Variants in SPINT2 observed in about 807,000 individuals in gnomAD.
The protein encoded by SPINT2 is kunitz-type protease inhibitor 2.
SPINT2 carries 18 observed loss-of-function variants against 30.1 expected under a neutral mutation model. That is an observed-to-expected ratio of 0.60 (90% CI 0.41 to 0.89). SPINT2 has a LOEUF of 0.89. Ranked by LOEUF, SPINT2 falls within the 40% of genes least tolerant of loss-of-function variation. The probability of loss-of-function intolerance (pLI) is 0.00; values close to 1 mark genes in which losing one functional copy is unlikely to be tolerated. For missense variants in SPINT2, 276 were observed against 334.3 expected, an observed-to-expected ratio of 0.83 and a Z score of 1.36; for synonymous variants, 139 against 137.9, an observed-to-expected ratio of 1.01 and a Z score of -0.05.
rs3826897 is a variant in SPINT2, at chr19:38,283,220, C to T, written c.107-407C>T. ...GTTCCAGTTGCTTAGGAGGGTGAGG[C>T]AAAAGAATCGTTTGAACCTGGGAGG... is the stretch of plus-strand genomic sequence containing the variant. On this transcript the variant is annotated intron_variant, in intron 1 of 6. Transcript: ENST00000301244. Among the ~76,000 whole-genome samples, 370 of 152,134 alleles carry T rather than the reference C, an allele frequency of 2.4e-3. 8 individuals carry two copies. In the East Asian group the frequency reaches 0.047, roughly 19 times the overall value.
chr19:38,270,418 A>G (rs1377915646), intron 1 of SPINT2, among the ~76,000 whole-genome samples: 2 of 152,164 alleles, frequency 1.3e-5, no homozygotes, highest in African/African-American at 4.8e-5. Context: ...GCACTGACTC[A>G]CTCAAATTAG....
At chr19:38,274,280 T>A (rs1968491132) in intron 1 of SPINT2, among the ~76,000 whole-genome samples, 1 of 152,146 alleles carries the variant, frequency 6.6e-6, no homozygotes, top group Admixed American at 6.6e-5. Flanking sequence ...TATAATGGAT[T>A]AAAAACTCCT....
intron 1 of SPINT2, among the ~76,000 whole-genome samples, chr19:38,274,378 C>G (rs1203150940): frequency 6.6e-6 from 1 of 151,930 alleles, no homozygotes; most frequent in African/African-American, 2.4e-5. Flanking sequence ...TCAGAGCTTT[C>G]TTTGCTTTTT....
At chr19:38,268,756 TGCGC>T (rs67698523) in intron 1 of SPINT2, among the ~76,000 whole-genome samples, 5 of 148,834 alleles carry the variant, frequency 3.4e-5, no homozygotes, top group African/African-American at 9.8e-5. Flanking sequence ...AGAGAGAGCA[TGCGC>T]GCGCGCGTGT....
intron 1 of SPINT2, among the ~76,000 whole-genome samples, chr19:38,268,838 G>A (rs1026395718): frequency 6.6e-6 from 1 of 151,854 alleles, no homozygotes; most frequent in Non-Finnish European, 1.5e-5. Context: ...CTGCAGATAT[G>A]CAGGATTTTT....
intron 1 of SPINT2, among the ~76,000 whole-genome samples, chr19:38,269,607 CTT>C (rs1189751582): frequency 2.4e-4 from 26 of 106,154 alleles, no homozygotes; most frequent in Non-Finnish European, 3.3e-4. Flanking sequence ...GATTTCTTTT[CTT>C]TTTTTTTTTT....
At chr19:38,276,412 G>T (rs1968518397) in intron 1 of SPINT2, among the ~76,000 whole-genome samples, 1 of 152,106 alleles carries the variant, frequency 6.6e-6, no homozygotes, top group African/African-American at 2.4e-5. Flanking sequence ...GGAGGCCGAG[G>T]CGGGTGGACT....
rs1452751379 is a variant in SPINT2, at chr19:38,273,303, G to A, written c.106+8305G>A. On this transcript the variant is annotated intron_variant, in intron 1 of 6. Transcript: ENST00000301244. Reference sequence around the variant, plus strand: ...GAACCTAGCCAGCTAACCAAAGTAGGTAGATTTATAGATCATCTTAAAATA... The same window carrying A: ...GAACCTAGCCAGCTAACCAAAGTAGATAGATTTATAGATCATCTTAAAATA... Among the ~76,000 whole-genome samples, 4 of 152,136 alleles carry A rather than the reference G, an allele frequency of 2.6e-5. No individual in the cohort carries two copies. The East Asian group carries it at 7.7e-4, about 29-fold the overall frequency.
At position 38,290,965 on chromosome 19, in the gene SPINT2, G is replaced by T. The variant is rs1018542014; in HGVS notation, c.592+390G>T. On this transcript the variant is annotated intron_variant, in intron 6 of 6. Coordinates refer to ENST00000301244, the MANE Select transcript of SPINT2 (RefSeq NM_021102.4). The surrounding 1 kb of genome is among the most constrained non-coding windows in gnomAD (Gnocchi z 4.3). Reference sequence around the variant, plus strand: ...ACGGGCCAGGGTGTTTCCCAACACAGTCTGGTCTGAGCGGGAGGCCAGGCC... The same window carrying T: ...ACGGGCCAGGGTGTTTCCCAACACATTCTGGTCTGAGCGGGAGGCCAGGCC... 4.0e-5 allele frequency: 14 copies of T among 352,776 alleles called. No homozygotes were observed. Among genetic ancestry groups the T allele is most frequent in the Admixed American group, 3.2e-4 (8 of 25,098 alleles). 21.9% of individuals were successfully genotyped at this position (352,776 alleles called of 1,614,324 possible). A position where few individuals can be genotyped will look rare whatever the true frequency, so the allele number is the denominator to read the frequency against.
chr19:38,274,932 C>G lies in SPINT2; in HGVS notation c.107-8695C>G, dbSNP rs531226794. ...AGGGAGCTTGTGAAGGCTTCTTGTC[C>G]ACGGAAATGAGGGCGGCAGTTGTGA... On this transcript the variant is annotated intron_variant, in intron 1 of 6. Coordinates refer to ENST00000301244, the MANE Select transcript of SPINT2 (RefSeq NM_021102.4). 2.0e-5 allele frequency among the ~76,000 whole-genome samples: 3 copies of G among 152,186 alleles called. No individual in the cohort carries two copies. The East Asian group carries it at 5.8e-4, about 29-fold the overall frequency.
At chr19:38,270,868 GA>G (rs1968446842) in intron 1 of SPINT2, among the ~76,000 whole-genome samples, 1 of 152,236 alleles carries the variant, frequency 6.6e-6, no homozygotes, top group Non-Finnish European at 1.5e-5. Flanking sequence ...TGAGGCGGGA[GA>G]GAGCCCAGCA....
rs547804269 is a variant in SPINT2, at chr19:38,290,988, G to A, written c.592+413G>A. On this transcript the variant is annotated intron_variant, in intron 6 of 6. Transcript: ENST00000301244. This position sits in a 1 kb window ranked among gnomAD's most constrained non-coding sequence, Gnocchi z 4.3. ...CAGTCTGGTCTGAGCGGGAGGCCAGGCCTCTGGCCTGTGTTTCTGAGCTTG... is the reference window on the plus strand; with the variant it reads ...CAGTCTGGTCTGAGCGGGAGGCCAGACCTCTGGCCTGTGTTTCTGAGCTTG... 12 of 280,282 alleles carry A rather than the reference G, an allele frequency of 4.3e-5. No individual in the cohort carries two copies. The highest frequency in any genetic ancestry group is 7.0e-5 in the Non-Finnish European group (10 of 143,554). 17.4% of individuals were successfully genotyped at this position (280,282 alleles called of 1,614,324 possible).
intron 1 of SPINT2, among the ~76,000 whole-genome samples, chr19:38,283,261 G>C (rs1189571982): frequency 6.6e-6 from 1 of 152,306 alleles, no homozygotes; most frequent in Non-Finnish European, 1.5e-5. Flanking sequence ...GTTGCAGTGA[G>C]CTGAGATCGA....
intron 2 of SPINT2, among the ~76,000 whole-genome samples, chr19:38,284,501 ACAGGCAC>A (rs1201556072): frequency 6.6e-6 from 1 of 152,136 alleles, no homozygotes; most frequent in East Asian, 1.9e-4. Flanking sequence ...AGCAGAAGAA[ACAGGCAC>A]CGTGTGAATG....
chr19:38,281,116 G>A (rs1054753934), intron 1 of SPINT2, among the ~76,000 whole-genome samples: 1 of 152,046 alleles, frequency 6.6e-6, no homozygotes, highest in Non-Finnish European at 1.5e-5. Flanking sequence ...CGTTGGGGTG[G>A]GCAGAGTCAC....
Position 38,264,661 on chromosome 19 carries a change from G to C in SPINT2, c.-232G>C. The C allele has an allele frequency of 1.8e-6, 1 of 543,178 alleles. No individual in the cohort carries two copies. The highest frequency in any genetic ancestry group is 3.3e-6 in the Non-Finnish European group (1 of 305,888). 33.6% of individuals were successfully genotyped at this position (543,178 alleles called of 1,614,324 possible). On this transcript the variant is annotated 5_prime_UTR_variant, in exon 1 of 7. Coordinates refer to ENST00000301244, the MANE Select transcript of SPINT2 (RefSeq NM_021102.4). ...CCGTTGAGTGTCGCAGGCGGCGAGGGCGCGAGTGAGGAGCAGACCCAGGCA... is the reference window on the plus strand; with the variant it reads ...CCGTTGAGTGTCGCAGGCGGCGAGGCCGCGAGTGAGGAGCAGACCCAGGCA...
intron 1 of SPINT2, among the ~76,000 whole-genome samples, chr19:38,275,929 A>G (rs1014906166): frequency 2.4e-5 from 3 of 126,216 alleles, no homozygotes; most frequent in African/African-American, 9.1e-5. Flanking sequence ...GTTTCTCCAT[A>G]TTGGTCAGGC....
chr19:38,267,475 AG>A (rs1322387957), intron 1 of SPINT2, among the ~76,000 whole-genome samples: 1 of 151,736 alleles, frequency 6.6e-6, no homozygotes, highest in Non-Finnish European at 1.5e-5. Context: ...TGAAAACATG[AG>A]GGGGCGGAGG....
chr19:38,267,132 AC>A (rs1490760107), intron 1 of SPINT2, among the ~76,000 whole-genome samples: 18 of 152,332 alleles, frequency 1.2e-4, no homozygotes, highest in Admixed American at 9.8e-4. Flanking sequence ...AGAGTGGCCT[AC>A]CTGACTGCTG....
Sources: gnomAD v4.1 joint callset for allele counts (sites outside exome capture counted in the v4.1 genomes callset) on GRCh38, gnomAD v4.1.1 for gene constraint, Gnocchi (gnomAD v3.1) non-coding constraint, MANE v1.5 for transcripts, NCBI Gene and HGNC (gene_info 2026-07-23, HGNC 2026-07-21) for gene names.